The following LRMDA variants were observed in gnomAD, a reference collection of about 807,000 sequenced individuals.
LRMDA encodes the protein leucine rich melanocyte differentiation associated.
In LRMDA, 18 loss-of-function variants were observed where a neutral mutation model predicts 29.8. That is an observed-to-expected ratio of 0.60 (90% CI 0.42 to 0.90). The LOEUF (loss-of-function observed/expected upper bound fraction) is 0.90. Ranked by LOEUF, LRMDA falls within the 40% of genes least tolerant of loss-of-function variation. The pLI, the probability that LRMDA is intolerant of heterozygous loss-of-function variation, is 0.00. For synonymous variants in LRMDA, 125 were observed against 109.4 expected, an observed-to-expected ratio of 1.14 and a Z score of -0.89; for missense variants, 273 against 273.9, an observed-to-expected ratio of 1.00 and a Z score of 0.02.
intron 2 of LRMDA, among the ~76,000 whole-genome samples, chr10:75,707,223 G>A (rs1478654212): frequency 6.6e-6 from 1 of 152,166 alleles, no homozygotes; most frequent in East Asian, 1.9e-4. Context: ...TGTTTTCCAA[G>A]AGGCAGTGGA....
intron 2 of LRMDA, among the ~76,000 whole-genome samples, chr10:75,838,601 T>C (rs1371455458): frequency 1.3e-5 from 2 of 152,154 alleles, no homozygotes; most frequent in Non-Finnish European, 2.9e-5. Context: ...GGCTGAAGTG[T>C]CTGAGTTTAT....
At chr10:75,997,279 A>G (rs1261653489) in intron 2 of LRMDA, among the ~76,000 whole-genome samples, 2 of 152,162 alleles carry the variant, frequency 1.3e-5, no homozygotes, top group Non-Finnish European at 2.9e-5. Context: ...TAAAGATACT[A>G]TATTGTTCTA....
chr10:76,303,900 T>G (rs959725873), intron 5 of LRMDA, among the ~76,000 whole-genome samples: 2 of 152,052 alleles, frequency 1.3e-5, no homozygotes, highest in Admixed American at 1.3e-4. Context: ...TCTATTTGCA[T>G]CCTAAATAGG....
At chr10:75,653,318 ATG>A (rs964574295) in intron 2 of LRMDA, among the ~76,000 whole-genome samples, 30 of 152,278 alleles carry the variant, frequency 2.0e-4, no homozygotes, top group African/African-American at 6.0e-4. Flanking sequence ...TTCTCATATA[ATG>A]TGCTGCAGAA....
At chr10:76,055,342 C>G (rs1318121613) in intron 4 of LRMDA, among the ~76,000 whole-genome samples, 1 of 152,108 alleles carries the variant, frequency 6.6e-6, no homozygotes, top group Non-Finnish European at 1.5e-5. Context: ...ACAATGAGTC[C>G]TGTGAAGGTT....
chr10:75,721,959 G>A (rs1229185283), intron 2 of LRMDA, among the ~76,000 whole-genome samples: 2 of 152,198 alleles, frequency 1.3e-5, no homozygotes, highest in African/African-American at 4.8e-5. Context: ...ATTAAGGCTG[G>A]TGGTGAAGAA....
chr10:76,269,314 C>A (rs1215318262), intron 5 of LRMDA, among the ~76,000 whole-genome samples: 2 of 152,130 alleles, frequency 1.3e-5, no homozygotes, highest in Non-Finnish European at 2.9e-5. Context: ...CCTCATCCAC[C>A]ACCTAATACT....
intron 5 of LRMDA, among the ~76,000 whole-genome samples, chr10:76,119,485 C>T (rs1032317281): frequency 3.3e-5 from 5 of 152,126 alleles, no homozygotes; most frequent in African/African-American, 1.2e-4. Flanking sequence ...TGTCAAGCTT[C>T]CAAGATGTCC....
chr10:75,631,880 T>C (rs1231176079), intron 2 of LRMDA, among the ~76,000 whole-genome samples: 1 of 152,220 alleles, frequency 6.6e-6, no homozygotes, highest in Non-Finnish European at 1.5e-5. Context: ...TGACCCGCCC[T>C]AAATTGATTC....
intron 2 of LRMDA, among the ~76,000 whole-genome samples, chr10:75,591,062 GT>G (rs1840719098): frequency 6.6e-6 from 1 of 152,010 alleles, no homozygotes; most frequent in South Asian, 2.1e-4. Flanking sequence ...TCTTTCTATA[GT>G]TTTGTGTTTT....
chr10:75,445,921 T>G (rs1844388489), intron 2 of LRMDA, among the ~76,000 whole-genome samples: 1 of 152,272 alleles, frequency 6.6e-6, no homozygotes, highest in South Asian at 2.1e-4. Flanking sequence ...GAGAATTGCT[T>G]AGCAGAAAGT....
At chr10:75,505,353 C>A (rs12253604) in intron 2 of LRMDA, among the ~76,000 whole-genome samples, 4 of 152,096 alleles carry the variant, frequency 2.6e-5, no homozygotes, top group African/African-American at 9.7e-5. Context: ...AGATTTTTCC[C>A]TTCAAGGTCA....
intron 5 of LRMDA, among the ~76,000 whole-genome samples, chr10:76,241,140 G>T (rs906010597): frequency 6.6e-6 from 1 of 152,084 alleles, no homozygotes; most frequent in Non-Finnish European, 1.5e-5. Context: ...AGGGATAAAA[G>T]ACTACAAATT....
At chr10:75,902,861 C>T (rs1342070075) in intron 2 of LRMDA, among the ~76,000 whole-genome samples, 3 of 152,188 alleles carry the variant, frequency 2.0e-5, no homozygotes, top group Admixed American at 1.3e-4. Flanking sequence ...CCGACAACCC[C>T]CCGTGCTGCT....
At chr10:76,296,512 T>C (rs1026463300) in intron 5 of LRMDA, among the ~76,000 whole-genome samples, 1 of 152,248 alleles carries the variant, frequency 6.6e-6, no homozygotes, top group Non-Finnish European at 1.5e-5. Flanking sequence ...CGGCATAATG[T>C]GTTAATAGCC....
At chr10:76,270,817 C>T (rs961387239) in intron 5 of LRMDA, 1 of 152,080 alleles carries the variant, frequency 6.6e-6, no homozygotes, top group African/African-American at 2.4e-5. Context: ...AAATCAATGC[C>T]GTGCACATCC....
At chr10:76,456,233 G>C (rs1907355) in intron 6 of LRMDA, among the ~76,000 whole-genome samples, 110,300 of 152,092 alleles carry the variant, frequency 0.73, 40,757 homozygotes, top group Non-Finnish European at 0.81. Context: ...GTGTTGAGAT[G>C]GTTTTCCCAC....
chr10:75,448,329 C>T (rs1844418120), intron 2 of LRMDA, among the ~76,000 whole-genome samples: 1 of 152,176 alleles, frequency 6.6e-6, no homozygotes, highest in African/African-American at 2.4e-5. Context: ...CTCTCTCTCT[C>T]CCTGAGCTGT....
intron 2 of LRMDA, among the ~76,000 whole-genome samples, chr10:75,857,853 C>A (rs187046203): frequency 6.6e-6 from 1 of 152,208 alleles, no homozygotes; most frequent in East Asian, 1.9e-4. Flanking sequence ...TTCATTCATA[C>A]GCTTGCTGTC....
Sources: allele counts gnomAD v4.1 joint callset (sites outside exome capture counted in the v4.1 genomes callset), GRCh38; gene constraint gnomAD v4.1.1; transcripts MANE v1.5; gene names NCBI Gene and HGNC (gene_info 2026-07-23, HGNC 2026-07-21).